The following C16orf96 variants were observed in gnomAD, a reference collection of about 807,000 sequenced individuals.
The protein encoded by C16orf96 is uncharacterized protein C16orf96.
C16orf96 carries 108 observed loss-of-function variants against 103.6 expected under a neutral mutation model. The ratio of observed to expected loss-of-function variants is 1.04; its 90% CI spans 0.89 to 1.22. The LOEUF (loss-of-function observed/expected upper bound fraction) is 1.22. Among genes scored for constraint, C16orf96 ranks in the 50% most tolerant of loss-of-function variants. The pLI is 0.00. For missense variants in C16orf96, 1,586 were observed against 1,464.2 expected (o/e 1.08, Z -1.36); for synonymous variants, 566 against 593.5 (o/e 0.95, Z 0.67).
intron 7 of C16orf96, among the ~76,000 whole-genome samples, chr16:4,584,279 CCA>C (rs2141741551): frequency 1.3e-5 from 1 of 76,574 alleles, no homozygotes; most frequent in South Asian, 5.3e-4. Flanking sequence ...CCTTGAACTC[CCA>C]GGCTCAAGTG....
chr16:4,539,789 A>T, the C16orf96 span, among the ~76,000 whole-genome samples: 5 of 152,178 alleles, frequency 3.3e-5, no homozygotes, highest in Non-Finnish European at 7.3e-5. Context: ...TCACTATTGT[A>T]AAACCTAAGA....
rs776017702 is a variant in C16orf96, at chr16:4,591,661, G to A, written c.2593-5G>A. ...CTTTCTTATCTTCCCCTTGGCTGTT[G>A]GCAGTTAGTCCACAGTGATCTGGAT... On this transcript the variant is annotated splice_polypyrimidine_tract_variant and splice_region_variant and intron_variant, in intron 9 of 15. Transcript: ENST00000444310. 5 of 1,547,350 alleles carry A rather than the reference G, an allele frequency of 3.2e-6. No individual in the cohort carries two copies. The Admixed American group carries it at 7.8e-5, about 24-fold the overall frequency.
intron 2 of C16orf96, among the ~76,000 whole-genome samples, chr16:4,573,095 G>T (rs1470513558): frequency 6.6e-6 from 1 of 152,128 alleles, no homozygotes; most frequent in Non-Finnish European, 1.5e-5. Context: ...GTTAAAAGCT[G>T]CATCATGAGC....
At chr16:4,551,601 G>C (rs1393536487), upstream of C16orf96, among the ~76,000 whole-genome samples, 3 of 151,984 alleles carry the variant, frequency 2.0e-5, no homozygotes, top group Non-Finnish European at 1.5e-5. Flanking sequence ...ACAGGCACCC[G>C]CCACCATGCC....
At chr16:4,588,739 A>C (rs1596535434) in intron 9 of C16orf96, among the ~76,000 whole-genome samples, 3 of 116,040 alleles carry the variant, frequency 2.6e-5, no homozygotes, top group South Asian at 2.6e-4. Context: ...ACAGGGCCTC[A>C]CTCTGGGCAC....
In C16orf96 at chr16:4,592,287, T is replaced by C. The variant is rs2141758234; in HGVS notation, c.2712-18T>C. The C allele has an allele frequency of 6.4e-7, 1 of 1,551,534 alleles. No individual in the cohort carries two copies. Among genetic ancestry groups the C allele is most frequent in the Non-Finnish European group, 8.7e-7 (1 of 1,146,958 alleles). Reference sequence around the variant, plus strand: ...TGGGCCCAGCAGGGGCAGCGGCTGATGATCATGTGCCTTTCAGGAAGCTGT... The same window carrying C: ...TGGGCCCAGCAGGGGCAGCGGCTGACGATCATGTGCCTTTCAGGAAGCTGT... On this transcript the variant is annotated intron_variant, in intron 10 of 15. Transcript: ENST00000444310.
At chr16:4,556,264 C>T (rs939446447), upstream of C16orf96, among the ~76,000 whole-genome samples, 1 of 152,150 alleles carries the variant, frequency 6.6e-6, no homozygotes, top group East Asian at 1.9e-4. Context: ...TGCCCCACTC[C>T]AGACTTTGAA....
the C16orf96 span, among the ~76,000 whole-genome samples, chr16:4,541,468 G>T: frequency 1.4e-4 from 22 of 152,184 alleles, no homozygotes; most frequent in Non-Finnish European, 2.8e-4. Context: ...CAGCCACTCG[G>T]GAGGCTGAGG....
At chr16:4,567,437 C>G (rs953924728) in intron 1 of C16orf96, among the ~76,000 whole-genome samples, 20 of 150,566 alleles carry the variant, frequency 1.3e-4, no homozygotes, top group Non-Finnish European at 2.8e-4. Context: ...GTGCCCGCCA[C>G]CACGCCCGGC....
chr16:4,593,219 AAC>A lies in C16orf96; in HGVS notation c.2775-3_2775-2del, dbSNP rs1897098755. ...AGCCCCTGCTGTGCCCTTGTCCTCC[AAC>A]AGACAGCTGATCACCATCCGCAAAG... On this transcript the variant is annotated splice_polypyrimidine_tract_variant and splice_region_variant and intron_variant, in intron 11 of 15. Coordinates refer to ENST00000444310, the MANE Select transcript of C16orf96 (RefSeq NM_001145011.2). This position sits in a 1 kb window ranked among gnomAD's most constrained non-coding sequence, Gnocchi z 4.2. 6.4e-7 allele frequency: 1 copy of A among 1,550,820 alleles called. No homozygotes were observed.
Position 4,565,341 on chromosome 16 carries a change from C to T in C16orf96, c.421-6220C>T, listed in dbSNP as rs940400950. The stretch of plus-strand genomic sequence containing the variant: ...GAAAAAAGACCTCAGCCACTTTCCC[C>T]ACAGCTCTCTCTCCTGCCCCTTCTT... On this transcript the variant is annotated intron_variant, in intron 1 of 15. Coordinates refer to ENST00000444310, the MANE Select transcript of C16orf96 (RefSeq NM_001145011.2). 5.2e-4 allele frequency among the ~76,000 whole-genome samples: 79 copies of T among 152,324 alleles called. 1 individual carries two copies. Among genetic ancestry groups the T allele is most frequent in the Admixed American group, 3.9e-3 (59 of 15,292 alleles).
At chr16:4,597,578 C>T (rs1349077975) in intron 14 of C16orf96, among the ~76,000 whole-genome samples, 4 of 150,262 alleles carry the variant, frequency 2.7e-5, no homozygotes, top group African/African-American at 7.3e-5. Context: ...TTTTTTGAGA[C>T]GGAGTTTCGC....
intron 5 of C16orf96, among the ~76,000 whole-genome samples, chr16:4,578,184 G>A (rs532021314): frequency 1.3e-5 from 2 of 150,588 alleles, no homozygotes; most frequent in African/African-American, 4.8e-5. Context: ...CACTTTTGTC[G>A]CCGGTTGGAG....
intron 7 of C16orf96, among the ~76,000 whole-genome samples, chr16:4,580,793 G>C (rs2059575378): frequency 6.6e-6 from 1 of 151,874 alleles, no homozygotes; most frequent in South Asian, 2.1e-4. Context: ...TTTGAGACCA[G>C]CCTGGCCAAC....
At chr16:4,598,540 G>A (rs1211671427) in intron 14 of C16orf96, among the ~76,000 whole-genome samples, 5 of 152,042 alleles carry the variant, frequency 3.3e-5, no homozygotes, top group Admixed American at 6.6e-5. Flanking sequence ...GGTGTGCAAC[G>A]CTGTGTGCGT....
the C16orf96 span, among the ~76,000 whole-genome samples, chr16:4,547,761 C>T: frequency 6.9e-6 from 1 of 145,174 alleles, no homozygotes; most frequent in African/African-American, 2.7e-5. Context: ...CTTCCTCCCT[C>T]CCTCTCTCTC....
rs200085431 is a variant in C16orf96, at chr16:4,578,449, A to AT, written c.2156-483dup. On this transcript the variant is annotated intron_variant, in intron 5 of 15. Transcript: ENST00000444310. ...TGAGCCACTGCACCTGATAAAAAAA[A>AT]TTTTTTTTAATTAATTTAAAAACTA... 8.7e-3 allele frequency among the ~76,000 whole-genome samples: 1,330 copies of AT among 152,022 alleles called. 19 individuals are homozygous for AT. The highest frequency in any genetic ancestry group is 0.029 in the African/African-American group (1,222 of 41,472).
At chr16:4,541,136 TCTC>T in the C16orf96 span, among the ~76,000 whole-genome samples, 1 of 151,986 alleles carries the variant, frequency 6.6e-6, no homozygotes, top group Non-Finnish European at 1.5e-5. Flanking sequence ...CTGGTGTCGA[TCTC>T]CTCACCTCGT....
chr16:4,594,561 A>C, intron 13 of C16orf96, 51 bp downstream of exon 13: 1 of 1,543,798 alleles, frequency 6.5e-7, no homozygotes. Context: ...AGCGCACCCC[A>C]GCCCCAGGTG....
Sources: allele counts gnomAD v4.1 joint callset (sites outside exome capture counted in the v4.1 genomes callset), GRCh38; gene constraint gnomAD v4.1.1; non-coding constraint Gnocchi (gnomAD v3.1); transcripts MANE v1.5; gene names NCBI Gene and HGNC (gene_info 2026-07-23, HGNC 2026-07-21).